ERCC6: variants seen among roughly 807,000 people sequenced by gnomAD.
ERCC6 encodes DNA excision repair protein ERCC-6.
In ERCC6, 116 loss-of-function variants were observed where a neutral mutation model predicts 158.7. The observed-to-expected ratio is 0.73, with a 90% confidence interval of 0.63 to 0.85. The LOEUF is 0.85. Among genes scored for constraint, ERCC6 ranks in the 40% least tolerant of loss-of-function variants. The pLI, the probability that ERCC6 is intolerant of heterozygous loss-of-function variation, is 0.00. For synonymous variants in ERCC6, 678 were observed against 659.3 expected (o/e 1.03, Z -0.43); for missense variants, 1,698 against 1,799.4 (o/e 0.94, Z 1.02).
rs375628281 is a variant in ERCC6, at chr10:49,470,586, C to G, written c.3374G>C (p.Gly1125Ala). The G allele has an allele frequency of 1.2e-6, 2 of 1,613,966 alleles. No homozygotes were observed. The highest frequency in any genetic ancestry group is 1.3e-5 in the African/African-American group (1 of 74,926). The change falls in exon 18 of 21, where the codon GGA (glycine) becomes GCA (alanine). Residue 1125 changes from glycine to alanine, a missense_variant. Physicochemically the swap from Gly to Ala is moderately conservative, Grantham distance 60. Transcript: ENST00000355832. ...TGAAGAATTTGAACATTCCCCATTT[C>G]CACTAATCACTGACAACTCTTCTGG... ...SGPEELSVIS[G>A]NGECSNSSGT...
the ERCC6 span, among the ~76,000 whole-genome samples, chr10:49,439,791 C>G: frequency 6.6e-6 from 1 of 152,142 alleles, no homozygotes; most frequent in African/African-American, 2.4e-5. Flanking sequence ...CCGCTAGATA[C>G]CCTAAATCAT....
chr10:49,495,705 G>A (rs951019837), intron 7 of ERCC6, among the ~76,000 whole-genome samples: 2 of 152,022 alleles, frequency 1.3e-5, no homozygotes, highest in Non-Finnish European at 2.9e-5. Flanking sequence ...AGAAACCTAG[G>A]CCTCATCCTT....
intron 7 of ERCC6, among the ~76,000 whole-genome samples, chr10:49,499,418 T>C (rs1293271201): frequency 6.6e-6 from 1 of 152,218 alleles, no homozygotes; most frequent in Non-Finnish European, 1.5e-5. Flanking sequence ...ATGGTTCATA[T>C]TTGGCTCTCT....
At chr10:49,473,335 A>C in intron 14 of ERCC6, 142 bp downstream of exon 14, 1 of 763,392 alleles carries the variant, frequency 1.3e-6, no homozygotes, top group South Asian at 1.4e-5. Context: ...GCATAGAGTT[A>C]AAAACAACAA....
At chr10:49,519,804 C>A (rs1371723302) in intron 5 of ERCC6, among the ~76,000 whole-genome samples, 1 of 152,224 alleles carries the variant, frequency 6.6e-6, no homozygotes, top group Non-Finnish European at 1.5e-5. Flanking sequence ...GAGCAAGGTC[C>A]TGTGGACCAT....
intron 7 of ERCC6, among the ~76,000 whole-genome samples, chr10:49,499,923 TA>T (rs4253119): frequency 0.32 from 48,022 of 152,042 alleles, 8,707 homozygotes; most frequent in Non-Finnish European, 0.41. Context: ...ATTTATTACA[TA>T]AAGTTCATAG....
chr10:49,534,242 C>T lies in ERCC6; in HGVS notation c.-14-1264G>A, dbSNP rs111688132. The stretch of plus-strand genomic sequence containing the variant: ...CAAAGCCTGATAGATAAATCCAATA[C>T]AGACAAGGAGAAGGATCCCCCCTCA... On this transcript the variant is annotated intron_variant, in intron 1 of 20. Coordinates refer to ENST00000355832, the MANE Select transcript of ERCC6 (RefSeq NM_000124.4). Among the ~76,000 whole-genome samples the T allele has an allele frequency of 3.6e-3, 547 of 149,930 alleles. 3 individuals carry two copies. The highest frequency in any genetic ancestry group is 0.013 in the African/African-American group (532 of 40,794).
At chr10:49,527,405 T>C (rs1837365496) in intron 4 of ERCC6, among the ~76,000 whole-genome samples, 1 of 152,232 alleles carries the variant, frequency 6.6e-6, no homozygotes, top group South Asian at 2.1e-4. Context: ...CTGGGTGCAG[T>C]GGCTCACACC....
Position 49,500,557 on chromosome 10 carries a change from T to TC in ERCC6, c.1665dup (p.Thr556AspfsTer9). The stretch of plus-strand genomic sequence containing the variant: ...ACTTGCCTGTAATTTGAACCACGAG[T>TC]CCTGATCTTGCTGTAGCTCAGACCT... On this transcript the variant is annotated frameshift_variant, in exon 7 of 21. Coordinates refer to ENST00000355832, the MANE Select transcript of ERCC6 (RefSeq NM_000124.4). LOFTEE classifies it high-confidence loss of function. 3 of 1,613,814 alleles carry TC rather than the reference T, an allele frequency of 1.9e-6. No individual in the cohort carries two copies. The highest frequency in any genetic ancestry group is 2.5e-6 in the Non-Finnish European group (3 of 1,179,842).
intron 18 of ERCC6, among the ~76,000 whole-genome samples, chr10:49,469,813 T>A (rs960665087): frequency 2.6e-5 from 4 of 152,222 alleles, no homozygotes; most frequent in African/African-American, 9.6e-5. Flanking sequence ...GCCACACGCT[T>A]GTCCCTCTCC....
chr10:49,506,157 T>C (rs1363447207), intron 5 of ERCC6, 145 bp from the exon 6 acceptor site: 7 of 815,084 alleles, frequency 8.6e-6, no homozygotes, highest in Non-Finnish European at 1.4e-5. Context: ...AAAACACTGA[T>C]ATTCAAAGAG....
Position 49,476,299 on chromosome 10 carries a change from G to T in ERCC6, c.2298C>A (p.Cys766Ter). ...CTTTATGCTGCTCATCTGTAAGACGGCAAAATAAGACCTACGGACGGGAAA... is the reference window on the plus strand; with the variant it reads ...CTTTATGCTGCTCATCTGTAAGACGTCAAAATAAGACCTACGGACGGGAAA... Reference protein sequence around the residue: ...LPDKNEQVLFCRLTDEQHKVY... With the variant: ...LPDKNEQVLF The change falls in exon 12 of 21, where the codon TGC becomes TGA. Residue 766 changes from cysteine to a stop codon, truncating the protein, a stop_gained. Transcript: ENST00000355832. LOFTEE classifies it high-confidence loss of function. 3.7e-6 allele frequency: 6 copies of T among 1,611,952 alleles called. No individual in the cohort carries two copies. Among genetic ancestry groups the T allele is most frequent in the Non-Finnish European group, 5.1e-6 (6 of 1,178,572 alleles).
At chr10:49,439,099 C>T in the ERCC6 span, among the ~76,000 whole-genome samples, 1 of 152,150 alleles carries the variant, frequency 6.6e-6, no homozygotes, top group African/African-American at 2.4e-5. Flanking sequence ...AGGACAGTGG[C>T]CCTCTTCTTA....
chr10:49,528,665 A>C, intron 3 of ERCC6, 140 bp from the exon 4 acceptor site: 3 of 1,111,814 alleles, frequency 2.7e-6, no homozygotes, highest in Non-Finnish European at 3.8e-6. Flanking sequence ...TCCATACATT[A>C]CTATTACTAG....
At position 49,516,767 on chromosome 10, in the gene ERCC6, T is replaced by C. The variant is rs142898326; in HGVS notation, c.1397+7266A>G. The C allele has an allele frequency of 1.3e-3, 2,153 of 1,614,168 alleles. 4 individuals are homozygous for C. Among genetic ancestry groups the C allele is most frequent in the Non-Finnish European group, 1.6e-3 (1,905 of 1,180,018 alleles). On this transcript the variant is annotated intron_variant, in intron 5 of 20. Transcript: ENST00000355832. Reference sequence around the variant, plus strand: ...CTACGGGTTGTACAGTTAGGTCGGCTTTTTTCCATTTGCAAAGAATTTTTG... The same window carrying C: ...CTACGGGTTGTACAGTTAGGTCGGCCTTTTTCCATTTGCAAAGAATTTTTG...
At chr10:49,504,293 G>T (rs1851406629) in intron 6 of ERCC6, 1 of 151,848 alleles carries the variant, frequency 6.6e-6, no homozygotes, top group South Asian at 2.1e-4. Flanking sequence ...TCCTGTTTTT[G>T]CAGAGATTAA....
chr10:49,523,461 G>T (rs1289833704), intron 5 of ERCC6, among the ~76,000 whole-genome samples: 3 of 152,200 alleles, frequency 2.0e-5, no homozygotes, highest in Non-Finnish European at 2.9e-5. Context: ...ACAGTGAAAA[G>T]AAAGGTATGC....
intron 18 of ERCC6, among the ~76,000 whole-genome samples, chr10:49,465,109 C>G (rs773516420): frequency 1.4e-4 from 21 of 152,226 alleles, no homozygotes; most frequent in Non-Finnish European, 2.4e-4. Context: ...AGGAGGGGGG[C>G]TATACCCTGC....
chr10:49,435,091 G>A, the ERCC6 span, among the ~76,000 whole-genome samples: 1 of 152,164 alleles, frequency 6.6e-6, no homozygotes, highest in African/African-American at 2.4e-5. Flanking sequence ...TAGGGTGAAA[G>A]AGGTTATCAT....
Sources: gnomAD v4.1 joint callset for allele counts (sites outside exome capture counted in the v4.1 genomes callset) on GRCh38, gnomAD v4.1.1 for gene constraint, MANE v1.5 for transcripts, NCBI Gene and HGNC (gene_info 2026-07-23, HGNC 2026-07-21) for gene names.